LINGO2: variants seen among roughly 807,000 people sequenced by gnomAD.
LINGO2 encodes the protein leucine-rich repeat and immunoglobulin-like domain-containing nogo receptor-interacting protein 2.
LINGO2 carries 14 observed loss-of-function variants against 30.6 expected under a neutral mutation model. That is an observed-to-expected ratio of 0.46 (90% CI 0.30 to 0.72). The LOEUF is 0.72. Among genes scored for constraint, LINGO2 ranks in the 30% least tolerant of loss-of-function variants. The pLI is 0.07. For synonymous variants in LINGO2, 317 were observed against 288.5 expected (o/e 1.10, Z -1.00); for missense variants, 729 against 751.7 (o/e 0.97, Z 0.35).
At chr9:28,067,263 A>G (rs760228028) in intron 4 of LINGO2, among the ~76,000 whole-genome samples, 5 of 152,168 alleles carry the variant, frequency 3.3e-5, no homozygotes, top group Non-Finnish European at 5.9e-5. Context: ...AACAATTACC[A>G]AGAGGTAATA....
chr9:27,945,093 T>A (rs555328547), downstream of LINGO2, among the ~76,000 whole-genome samples: 2 of 152,114 alleles, frequency 1.3e-5, no homozygotes, highest in African/African-American at 2.4e-5. Context: ...TCAAGACATA[T>A]GCAGTGTTGA....
At chr9:28,718,198 G>T in the LINGO2 span, among the ~76,000 whole-genome samples, 1 of 151,606 alleles carries the variant, frequency 6.6e-6, no homozygotes, top group African/African-American at 2.4e-5. Context: ...AACAAACCAT[G>T]TGAGACTTTA....
At chr9:28,542,620 T>A (rs964217055) in intron 1 of LINGO2, among the ~76,000 whole-genome samples, 34 of 152,128 alleles carry the variant, frequency 2.2e-4, no homozygotes, top group African/African-American at 8.2e-4. Context: ...TTCTTTTTTT[T>A]AATGGTAATT....
chr9:28,888,707 A>T, the LINGO2 span, among the ~76,000 whole-genome samples: 3 of 152,270 alleles, frequency 2.0e-5, no homozygotes, highest in East Asian at 5.8e-4. Context: ...ACTGACATCC[A>T]TGTTGAGTGG....
chr9:28,079,138 A>G (rs1343344128), intron 4 of LINGO2, among the ~76,000 whole-genome samples: 1 of 135,482 alleles, frequency 7.4e-6, no homozygotes, highest in East Asian at 1.9e-4. Context: ...AAATACTACT[A>G]TTAGGCTTTA....
the LINGO2 span, among the ~76,000 whole-genome samples, chr9:29,201,858 A>T: frequency 6.6e-6 from 1 of 151,980 alleles, no homozygotes; most frequent in African/African-American, 2.4e-5. Flanking sequence ...CCCCTATTTT[A>T]CATATTAGGA....
chr9:28,028,327 A>G (rs910281591), intron 4 of LINGO2, among the ~76,000 whole-genome samples: 1 of 152,154 alleles, frequency 6.6e-6, no homozygotes, highest in African/African-American at 2.4e-5. Flanking sequence ...ATCGATTCTC[A>G]TCTTTCACTT....
At chr9:28,320,672 G>T (rs1046356182) in intron 3 of LINGO2, among the ~76,000 whole-genome samples, 2 of 152,260 alleles carry the variant, frequency 1.3e-5, no homozygotes, top group Admixed American at 6.5e-5. Context: ...ACAGTTTAAT[G>T]ACGGGAGCCA....
chr9:28,735,126 T>C, the LINGO2 span, among the ~76,000 whole-genome samples: 1 of 152,288 alleles, frequency 6.6e-6, no homozygotes, highest in Admixed American at 6.5e-5. Flanking sequence ...TTTATTTTTC[T>C]GCAGTATTGT....
rs556118829 is a variant in LINGO2, at chr9:28,129,013, T to A, written c.-86-116608A>T. 2.0e-4 allele frequency among the ~76,000 whole-genome samples: 30 copies of A among 152,254 alleles called. No homozygotes were observed. The highest frequency in any genetic ancestry group is 6.7e-4 in the African/African-American group (28 of 41,546). On this transcript the variant is annotated intron_variant, in intron 4 of 5. Transcript: ENST00000379992. This position sits in a 1 kb window ranked among gnomAD's most constrained non-coding sequence, Gnocchi z 4.0. ...TCTTCTGGCCTTCATCTTTCTCCCA[T>A]GCTCTATGCTTCCTGGCCTGAAACA... is the stretch of plus-strand genomic sequence containing the variant.
chr9:28,314,180 C>T (rs1008467643), intron 3 of LINGO2, among the ~76,000 whole-genome samples: 15 of 152,034 alleles, frequency 9.9e-5, no homozygotes, highest in Admixed American at 3.3e-4. Flanking sequence ...GTGATCTGTC[C>T]GCCTCGGCCT....
chr9:28,035,085 A>C (rs939601290), intron 4 of LINGO2, among the ~76,000 whole-genome samples: 4 of 152,218 alleles, frequency 2.6e-5, no homozygotes, highest in Non-Finnish European at 5.9e-5. Flanking sequence ...ATACTTTCTA[A>C]AAAACCAAAA....
the LINGO2 span, among the ~76,000 whole-genome samples, chr9:28,855,749 T>C: frequency 5.9e-5 from 9 of 152,114 alleles, no homozygotes; most frequent in East Asian, 1.6e-3. Context: ...CCTAGATGCC[T>C]GCAGCTGTGC....
At chr9:28,697,439 T>A in the LINGO2 span, among the ~76,000 whole-genome samples, 46 of 152,130 alleles carry the variant, frequency 3.0e-4, no homozygotes, top group Non-Finnish European at 5.9e-5. Context: ...TTATAAAAAT[T>A]GTTTTACCTA....
chr9:28,465,542 G>A (rs1825266358), intron 2 of LINGO2, among the ~76,000 whole-genome samples: 1 of 152,164 alleles, frequency 6.6e-6, no homozygotes, highest in Non-Finnish European at 1.5e-5. Flanking sequence ...CACAAATTCA[G>A]GCTTGAGGGT....
intron 4 of LINGO2, among the ~76,000 whole-genome samples, chr9:28,287,405 C>G (rs1213805655): frequency 6.6e-6 from 1 of 152,190 alleles, no homozygotes; most frequent in African/African-American, 2.4e-5. Flanking sequence ...TGTTTTGTGT[C>G]TTCTTTAGGC....
At chr9:28,543,090 T>G (rs1262202194) in intron 1 of LINGO2, among the ~76,000 whole-genome samples, 1 of 151,998 alleles carries the variant, frequency 6.6e-6, no homozygotes, top group African/African-American at 2.4e-5. Flanking sequence ...ACACAAATAA[T>G]GGGCAAAATG....
the LINGO2 span, among the ~76,000 whole-genome samples, chr9:29,173,668 A>G: frequency 6.6e-6 from 1 of 152,168 alleles, no homozygotes; most frequent in East Asian, 1.9e-4. Flanking sequence ...TGGCTATGTT[A>G]ATCTCATTCT....
intron 4 of LINGO2, among the ~76,000 whole-genome samples, chr9:28,073,251 T>G (rs1825533227): frequency 6.6e-6 from 1 of 152,084 alleles, no homozygotes; most frequent in South Asian, 2.1e-4. Context: ...TACCCCGTAT[T>G]AGCTGCTGTC....
Sources: allele counts gnomAD v4.1 joint callset (sites outside exome capture counted in the v4.1 genomes callset), GRCh38; gene constraint gnomAD v4.1.1; non-coding constraint Gnocchi (gnomAD v3.1); transcripts MANE v1.5; gene names NCBI Gene and HGNC (gene_info 2026-07-23, HGNC 2026-07-21).